WWOX: variants seen among roughly 807,000 people sequenced by gnomAD.
WWOX encodes WW domain-containing oxidoreductase.
WWOX carries 69 observed loss-of-function variants against 46.2 expected under a neutral mutation model. That is an observed-to-expected ratio of 1.49 (90% CI 1.23 to 1.82). The LOEUF (loss-of-function observed/expected upper bound fraction) is 1.82. WWOX is among the 40% of genes most tolerant of loss of function. The pLI is 0.00. For missense variants in WWOX, 919 were observed against 542.6 expected, an observed-to-expected ratio of 1.69 and a Z score of -6.89; for synonymous variants, 359 against 202.6, an observed-to-expected ratio of 1.77 and a Z score of -6.56.
intron 8 of WWOX, among the ~76,000 whole-genome samples, chr16:78,608,116 C>T (rs1472480301): frequency 2.6e-5 from 4 of 152,154 alleles, no homozygotes; most frequent in Admixed American, 6.5e-5. Flanking sequence ...TGGCTTTCTC[C>T]AAGCCTGAGA....
intron 3 of WWOX, among the ~76,000 whole-genome samples, chr16:78,111,560 C>G (rs867939691): frequency 6.6e-6 from 1 of 152,240 alleles, no homozygotes; most frequent in East Asian, 1.9e-4. Flanking sequence ...CTTAGCAGAC[C>G]GCGAAAGGGA....
chr16:78,201,983 G>T (rs1036921294), intron 5 of WWOX, among the ~76,000 whole-genome samples: 1 of 152,054 alleles, frequency 6.6e-6, no homozygotes, highest in African/African-American at 2.4e-5. Context: ...TGGATTATAG[G>T]TGTGATCCAC....
At chr16:78,568,553 G>A (rs2044634670) in intron 8 of WWOX, among the ~76,000 whole-genome samples, 1 of 144,322 alleles carries the variant, frequency 6.9e-6, no homozygotes, top group Non-Finnish European at 1.5e-5. Context: ...CTGGGTCACT[G>A]CAACCTCTGC....
At chr16:78,293,350 C>T (rs909475945) in intron 5 of WWOX, among the ~76,000 whole-genome samples, 2 of 152,198 alleles carry the variant, frequency 1.3e-5, no homozygotes, top group African/African-American at 4.8e-5. Context: ...TCTCTCCTGC[C>T]AGATTTTGTA....
chr16:78,657,352 C>T (rs545669040), intron 8 of WWOX, among the ~76,000 whole-genome samples: 3 of 152,260 alleles, frequency 2.0e-5, no homozygotes, highest in African/African-American at 7.2e-5. Flanking sequence ...GACTTTCTTG[C>T]TTCCTCATAG....
At chr16:78,810,355 A>C (rs1265345645) in intron 8 of WWOX, among the ~76,000 whole-genome samples, 2 of 152,214 alleles carry the variant, frequency 1.3e-5, no homozygotes, top group East Asian at 3.9e-4. Flanking sequence ...ATCAGCCGGT[A>C]TATTTATGTG....
At chr16:79,163,650 T>C (rs1343798068) in intron 8 of WWOX, among the ~76,000 whole-genome samples, 1 of 151,942 alleles carries the variant, frequency 6.6e-6, no homozygotes, top group Non-Finnish European at 1.5e-5. Context: ...CATACAAAAT[T>C]AGCCTGGCAT....
intron 8 of WWOX, among the ~76,000 whole-genome samples, chr16:78,794,734 A>T (rs117230719): frequency 1.1e-3 from 163 of 152,276 alleles, no homozygotes; most frequent in Non-Finnish European, 1.8e-3. Context: ...CTGCTATCAG[A>T]GTGATGCTGT....
intron 8 of WWOX, among the ~76,000 whole-genome samples, chr16:78,564,765 C>T (rs996244877): frequency 2.0e-5 from 3 of 152,154 alleles, no homozygotes; most frequent in Admixed American, 6.5e-5. Flanking sequence ...TCACCTATTT[C>T]CTTATTTGTT....
At chr16:78,885,635 G>T (rs1168507621) in intron 8 of WWOX, among the ~76,000 whole-genome samples, 1 of 152,174 alleles carries the variant, frequency 6.6e-6, no homozygotes, top group East Asian at 1.9e-4. Context: ...ATTTGAGCAA[G>T]TTGCAATTTG....
At chr16:79,107,173 T>C (rs2049327560) in intron 8 of WWOX, among the ~76,000 whole-genome samples, 1 of 152,260 alleles carries the variant, frequency 6.6e-6, no homozygotes, top group African/African-American at 2.4e-5. Flanking sequence ...ACTCCTGAGC[T>C]CAAGTGATCC....
At chr16:78,225,765 A>T (rs937752349) in intron 5 of WWOX, among the ~76,000 whole-genome samples, 1 of 152,142 alleles carries the variant, frequency 6.6e-6, no homozygotes, top group Non-Finnish European at 1.5e-5. Context: ...TAATTATTCC[A>T]CCTTAATGCA....
intron 8 of WWOX, among the ~76,000 whole-genome samples, chr16:78,685,948 C>T (rs931164426): frequency 8.0e-5 from 12 of 150,810 alleles, no homozygotes; most frequent in African/African-American, 2.7e-4. Context: ...GGAGGAGAGA[C>T]ATGGACCCAC....
intron 8 of WWOX, among the ~76,000 whole-genome samples, chr16:79,026,563 C>A (rs557972427): frequency 6.6e-6 from 1 of 150,904 alleles, no homozygotes; most frequent in Non-Finnish European, 1.5e-5. Flanking sequence ...TGCTTTTCTG[C>A]ACTCTCCTGC....
intron 8 of WWOX, among the ~76,000 whole-genome samples, chr16:78,440,967 A>T (rs1324127131): frequency 6.7e-6 from 1 of 150,358 alleles, no homozygotes; most frequent in Non-Finnish European, 1.5e-5. Context: ...TTTTGAGATG[A>T]AGTCTTGCTC....
At chr16:78,726,449 G>A (rs1413972411) in intron 8 of WWOX, among the ~76,000 whole-genome samples, 4 of 151,928 alleles carry the variant, frequency 2.6e-5, no homozygotes, top group African/African-American at 4.8e-5. Context: ...GGCCAGGCTG[G>A]TTTCAAGCTC....
chr16:78,708,890 G>C (rs1459832035), intron 8 of WWOX, among the ~76,000 whole-genome samples: 1 of 152,218 alleles, frequency 6.6e-6, no homozygotes, highest in African/African-American at 2.4e-5. Context: ...GCTGGTTGTT[G>C]ACTGATGTGT....
At chr16:78,532,415 C>T (rs946681380) in intron 8 of WWOX, among the ~76,000 whole-genome samples, 1 of 152,062 alleles carries the variant, frequency 6.6e-6, no homozygotes, top group Admixed American at 6.5e-5. Context: ...ATAGTAAGTT[C>T]CTGCCTAGGC....
At chr16:79,124,093 T>A (rs1221917711) in intron 8 of WWOX, among the ~76,000 whole-genome samples, 1 of 151,912 alleles carries the variant, frequency 6.6e-6, no homozygotes, top group Non-Finnish European at 1.5e-5. Flanking sequence ...CTGAAAGCCC[T>A]CCTGATTAAC....
Sources: allele counts gnomAD v4.1 joint callset (sites outside exome capture counted in the v4.1 genomes callset), GRCh38; gene constraint gnomAD v4.1.1; transcripts MANE v1.5; gene names NCBI Gene and HGNC (gene_info 2026-07-23, HGNC 2026-07-21).